Variants in FRMD4B observed in about 807,000 individuals in gnomAD.
The protein encoded by FRMD4B is FERM domain-containing protein 4B.
A neutral mutation model predicts 141.5 loss-of-function variants in FRMD4B; 74 were observed. The observed-to-expected ratio is 0.52, with a 90% CI of 0.43 to 0.63. The LOEUF (loss-of-function observed/expected upper bound fraction) is 0.63, where lower values mean the gene tolerates loss of function less well. Among genes scored for constraint, FRMD4B ranks in the 30% least tolerant of loss-of-function variants. The pLI, the probability that FRMD4B is intolerant of heterozygous loss-of-function variation, is 0.00. For missense variants in FRMD4B, 1,366 were observed against 1,253.4 expected (o/e 1.09, Z -1.36); for synonymous variants, 506 against 467.9 (o/e 1.08, Z -1.05).
chr3:69,481,300 T>C (rs7646129), intron 1 of FRMD4B, among the ~76,000 whole-genome samples: 96,500 of 152,028 alleles, frequency 0.63, 31,817 homozygotes, highest in African/African-American at 0.82. Flanking sequence ...CTGTCTTCTG[T>C]GTCGCTCACG....
intron 17 of FRMD4B, among the ~76,000 whole-genome samples, chr3:69,191,641 A>G (rs1318519126): frequency 6.6e-6 from 1 of 152,210 alleles, no homozygotes; most frequent in East Asian, 1.9e-4. Context: ...CAAGTGAACT[A>G]TCTCTATCAG....
chr3:69,515,392 C>T (rs541980368), intron 1 of FRMD4B, among the ~76,000 whole-genome samples: 1 of 152,176 alleles, frequency 6.6e-6, no homozygotes, highest in Non-Finnish European at 1.5e-5. Context: ...TCATGCTCCA[C>T]CTTCTTAAGA....
At chr3:69,308,368 C>G (rs1045032701) in intron 3 of FRMD4B, among the ~76,000 whole-genome samples, 1 of 151,810 alleles carries the variant, frequency 6.6e-6, no homozygotes, top group Admixed American at 6.6e-5. Context: ...CTGATACCTG[C>G]TCCTACCTCC....
Position 69,196,312 on chromosome 3 carries a change from T to A in FRMD4B, c.1177A>T (p.Thr393Ser). ...ATGAACTGACTTTTCGTCTCCAGTG[T>A]CACCAGCTTGGAGGCCCTTTGTGTT... ...TGTQRASKLVTLETKSQFIMA... is the reference protein window; with the variant it reads ...TGTQRASKLVSLETKSQFIMA... The change falls in exon 14 of 23, where the codon ACA becomes TCA. Residue 393 changes from threonine (T) to serine (S), a missense_variant. Transcript: ENST00000398540. 6.2e-7 allele frequency: 1 copy of A among 1,609,868 alleles called. No individual in the cohort carries two copies. The highest frequency in any genetic ancestry group is 1.1e-5 in the South Asian group (1 of 90,602).
intron 1 of FRMD4B, chr3:69,536,183 A>C (rs7644415): frequency 0.45 from 244,770 of 548,054 alleles, 55,837 homozygotes; most frequent in African/African-American, 0.51. Flanking sequence ...TGCCTTCTTC[A>C]CCTTGCCCGC....
intron 2 of FRMD4B, among the ~76,000 whole-genome samples, chr3:69,412,807 G>A: frequency 6.6e-6 from 1 of 150,904 alleles, no homozygotes; most frequent in South Asian, 2.1e-4. Context: ...GGCAGTCAGA[G>A]GAGACCTAAG....
intron 5 of FRMD4B, among the ~76,000 whole-genome samples, chr3:69,267,614 TATATATATATATATATATATATAG>T (rs2093570636): frequency 2.5e-5 from 2 of 80,356 alleles, no homozygotes; most frequent in South Asian, 4.7e-4. Context: ...TATATATATA[TATATATATATATATATATATATAG>T]AGAGAGAGAG....
Position 69,176,636 on chromosome 3 carries a change from C to T in FRMD4B, c.2872G>A (p.Gly958Arg), listed in dbSNP as rs900076583. The T allele has an allele frequency of 6.2e-7, 1 of 1,604,046 alleles. No individual in the cohort carries two copies. The highest frequency in any genetic ancestry group is 8.5e-7 in the Non-Finnish European group (1 of 1,171,216). Residue 958 changes from glycine (G) to arginine (R), a missense_variant, in exon 22 of 23, where the codon GGG becomes AGG. Gly to Arg is a moderately radical substitution (Grantham distance 125). Coordinates refer to ENST00000398540, the MANE Select transcript of FRMD4B (RefSeq NM_015123.3). ...ATGGTTAACTGGGTCCTCCAGTTCCCAGAAGCATTTGTAGAAGACACTGGA... is the reference window on the plus strand; with the variant it reads ...ATGGTTAACTGGGTCCTCCAGTTCCTAGAAGCATTTGTAGAAGACACTGGA... The part of the protein sequence containing the change: ...YSSVSSTNAS[G>R]NWRTQLTIGL...
chr3:69,262,410 C>A (rs2093533260), intron 5 of FRMD4B, among the ~76,000 whole-genome samples: 1 of 146,436 alleles, frequency 6.8e-6, no homozygotes, highest in African/African-American at 2.5e-5. Flanking sequence ...CTAGGATCTT[C>A]AAAGCAGTGC....
At chr3:69,476,878 A>G (rs924273471) in intron 1 of FRMD4B, among the ~76,000 whole-genome samples, 1 of 151,940 alleles carries the variant, frequency 6.6e-6, no homozygotes, top group African/African-American at 2.4e-5. Context: ...CTTTTATTTC[A>G]CTGAGCAGTG....
intron 5 of FRMD4B, among the ~76,000 whole-genome samples, chr3:69,273,411 C>A (rs1257640600): frequency 1.3e-5 from 2 of 152,152 alleles, no homozygotes; most frequent in Admixed American, 1.3e-4. Flanking sequence ...TGCTGAGACT[C>A]CTGTGCTTTA....
intron 5 of FRMD4B, among the ~76,000 whole-genome samples, chr3:69,272,711 A>C (rs901155072): frequency 6.6e-6 from 1 of 152,212 alleles, no homozygotes; most frequent in Admixed American, 6.5e-5. Context: ...GCTGAACTAC[A>C]TGGAATAATT....
At chr3:69,517,495 C>T (rs1277217408) in intron 1 of FRMD4B, among the ~76,000 whole-genome samples, 2 of 152,048 alleles carry the variant, frequency 1.3e-5, no homozygotes, top group Non-Finnish European at 2.9e-5. Context: ...CAAATCCTTC[C>T]AAAGGGAAGG....
At chr3:69,414,410 G>A (rs973749314) in intron 2 of FRMD4B, among the ~76,000 whole-genome samples, 4 of 152,210 alleles carry the variant, frequency 2.6e-5, no homozygotes, top group Non-Finnish European at 5.9e-5. Context: ...TCTATACTAT[G>A]TGGCTAGAAA....
intron 1 of FRMD4B, among the ~76,000 whole-genome samples, chr3:69,504,193 A>C (rs1168036192): frequency 1.3e-5 from 2 of 152,154 alleles, no homozygotes; most frequent in Non-Finnish European, 2.9e-5. Context: ...ATGGCAGTAA[A>C]GTATAACATC....
chr3:69,443,143 C>T (rs1705364943), intron 1 of FRMD4B, among the ~76,000 whole-genome samples: 1 of 152,110 alleles, frequency 6.6e-6, no homozygotes, highest in African/African-American at 2.4e-5. Context: ...AAATTTCAGT[C>T]CCACCCCCTG....
chr3:69,325,589 A>G (rs1396332447), intron 1 of FRMD4B, among the ~76,000 whole-genome samples: 1 of 152,192 alleles, frequency 6.6e-6, no homozygotes, highest in Non-Finnish European at 1.5e-5. Flanking sequence ...CAGCCCTGCT[A>G]TTTACCTAAG....
At chr3:69,261,959 C>G (rs1388645495) in intron 5 of FRMD4B, among the ~76,000 whole-genome samples, 1 of 150,728 alleles carries the variant, frequency 6.6e-6, no homozygotes, top group East Asian at 2.0e-4. Context: ...GCTGAGCCAC[C>G]GTGCCTGCCC....
At chr3:69,444,619 A>T (rs1263551520) in intron 1 of FRMD4B, among the ~76,000 whole-genome samples, 1 of 152,200 alleles carries the variant, frequency 6.6e-6, no homozygotes, top group Admixed American at 6.5e-5. Flanking sequence ...ATTTTCTAGG[A>T]GGAACTTATA....
Sources: allele counts gnomAD v4.1 joint callset (sites outside exome capture counted in the v4.1 genomes callset), GRCh38; gene constraint gnomAD v4.1.1; transcripts MANE v1.5; gene names NCBI Gene and HGNC (gene_info 2026-07-23, HGNC 2026-07-21).